Variants in ADD2 observed in about 807,000 individuals in gnomAD.
ADD2 encodes the protein adducin 2, also known as beta-adducin.
ADD2 carries 23 observed loss-of-function variants against 83.0 expected under a neutral mutation model. That is an observed-to-expected ratio of 0.28 (90% CI 0.20 to 0.39). The LOEUF (loss-of-function observed/expected upper bound fraction) is 0.39. Among genes scored for constraint, ADD2 ranks in the 10% least tolerant of loss-of-function variants. ADD2 has a pLI of 1.00. For synonymous variants in ADD2, 375 were observed against 375.4 expected, an observed-to-expected ratio of 1.00 and a Z score of 0.01; for missense variants, 758 against 944.9, an observed-to-expected ratio of 0.80 and a Z score of 2.59.
intron 1 of ADD2, among the ~76,000 whole-genome samples, chr2:70,742,700 G>C (rs1673980048): frequency 6.6e-6 from 1 of 152,132 alleles, no homozygotes; most frequent in South Asian, 2.1e-4. Flanking sequence ...ATCTGTCTTT[G>C]GGGCTGACCT....
At chr2:70,673,497 T>G (rs1209432370) in intron 14 of ADD2, 8 of 607,690 alleles carry the variant, frequency 1.3e-5, no homozygotes, top group Non-Finnish European at 2.3e-5. Flanking sequence ...ATTTACATTT[T>G]CTGTCCAAAC....
At chr2:70,750,190 C>A (rs184812444) in intron 1 of ADD2, among the ~76,000 whole-genome samples, 32 of 152,300 alleles carry the variant, frequency 2.1e-4, no homozygotes, top group Non-Finnish European at 3.2e-4. Context: ...CCTTAGGAAA[C>A]AATGCTCCAA....
intron 4 of ADD2, among the ~76,000 whole-genome samples, chr2:70,698,509 T>C (rs1553373057): frequency 1.3e-5 from 2 of 152,150 alleles, no homozygotes; most frequent in African/African-American, 4.8e-5. Context: ...GAAAGTACAA[T>C]AGGGCAACTG....
At position 70,676,498 on chromosome 2, in the gene ADD2, G is replaced by A. The variant is rs1670148225; in HGVS notation, c.1593+298C>T. On this transcript the variant is annotated intron_variant, in intron 13 of 15. Coordinates refer to ENST00000264436, the MANE Select transcript of ADD2 (RefSeq NM_001617.4). This position sits in a 1 kb window ranked among gnomAD's most constrained non-coding sequence, Gnocchi z 4.8. ...AGTCCCCACTTCACGGGGTAGTAAGGGAGGACAGAGTGGAGTTCCATGGCA... is the reference window on the plus strand; with the variant it reads ...AGTCCCCACTTCACGGGGTAGTAAGAGAGGACAGAGTGGAGTTCCATGGCA... 7.4e-7 allele frequency: 1 copy of A among 1,355,592 alleles called. No homozygotes were observed. The highest frequency in any genetic ancestry group is 1.5e-5 in the African/African-American group (1 of 68,472). The allele number at this position is 1,355,592 out of a possible 1,614,324, so 84.0% of individuals were successfully genotyped here.
intron 1 of ADD2, 137 bp downstream of exon 1, chr2:70,767,749 C>T: frequency 6.9e-7 from 1 of 1,448,766 alleles, no homozygotes; most frequent in Non-Finnish European, 9.0e-7. Flanking sequence ...GCCAGGGCTG[C>T]AGCACCGACG....
intron 9 of ADD2, among the ~76,000 whole-genome samples, chr2:70,686,945 T>C (rs1301901662): frequency 6.6e-6 from 1 of 152,118 alleles, no homozygotes; most frequent in East Asian, 1.9e-4. Flanking sequence ...CTCCCCAGAG[T>C]GCCTCCAAGA....
intron 1 of ADD2, 96 bp downstream of exon 1, chr2:70,767,790 C>T: frequency 4.0e-6 from 6 of 1,501,908 alleles, no homozygotes; most frequent in Non-Finnish European, 5.3e-6. Flanking sequence ...CCACCTGGGC[C>T]AAGCGGCTCC....
intron 13 of ADD2, chr2:70,675,694 T>G (rs1461253644): frequency 1.7e-5 from 17 of 985,340 alleles, no homozygotes; most frequent in Admixed American, 6.1e-5. Context: ...CTCCCTGCCC[T>G]GGCCCGCCAG....
In ADD2 at chr2:70,663,613, C is replaced by T. The variant is rs377759274; in HGVS notation, c.1993G>A (p.Gly665Ser). 1.2e-6 allele frequency: 2 copies of T among 1,614,150 alleles called. No individual in the cohort carries two copies. Among genetic ancestry groups the T allele is most frequent in the Non-Finnish European group, 8.5e-7 (1 of 1,180,034 alleles). Residue 665 changes from glycine (G) to serine (S), a missense_variant, in exon 16 of 16, where the codon GGC (glycine) becomes AGC (serine). Physicochemically the swap from Gly to Ser is moderately conservative, Grantham distance 56. Transcript: ENST00000264436. Reference sequence around the variant, plus strand: ...GCACTGGTGGTCATCTGGCTCAGGCCTTTGCTGAGGATTTCCTCTGCCGTC... The same window carrying T: ...GCACTGGTGGTCATCTGGCTCAGGCTTTTGCTGAGGATTTCCTCTGCCGTC... ...EQTAEEILSKGLSQMTTSADT... is the reference protein window; with the variant it reads ...EQTAEEILSKSLSQMTTSADT...
chr2:70,763,160 C>T (rs1191635698), intron 1 of ADD2, among the ~76,000 whole-genome samples: 2 of 152,024 alleles, frequency 1.3e-5, no homozygotes, highest in Non-Finnish European at 2.9e-5. Flanking sequence ...ACTTTCTCTT[C>T]ATCTCTTTCA....
chr2:70,742,651 A>T (rs3755352), intron 1 of ADD2, among the ~76,000 whole-genome samples: 7,654 of 152,244 alleles, frequency 0.05, 274 homozygotes, highest in East Asian at 0.17. Flanking sequence ...GAATGAAATA[A>T]GAGGAATGCC....
At position 70,727,518 on chromosome 2, in the gene ADD2, C is replaced by T. The variant is rs145807222; in HGVS notation, c.-153-14334G>A. 3.7e-4 allele frequency among the ~76,000 whole-genome samples: 57 copies of T among 152,206 alleles called. No homozygotes were observed. In the South Asian group the frequency reaches 5.2e-3, roughly 14 times the overall value. ...AAAATGACTCCTGTATGAGTATTTC[C>T]GGATTTTCCACTCCCTCAGACCCTT... is the stretch of plus-strand genomic sequence containing the variant. On this transcript the variant is annotated intron_variant, in intron 1 of 15. Coordinates refer to ENST00000264436, the MANE Select transcript of ADD2 (RefSeq NM_001617.4).
intron 1 of ADD2, among the ~76,000 whole-genome samples, chr2:70,731,252 G>C (rs1277247259): frequency 1.3e-5 from 2 of 152,008 alleles, no homozygotes; most frequent in African/African-American, 4.8e-5. Flanking sequence ...AGAAATGTCT[G>C]CTTACCCAGG....
At chr2:70,755,311 ACTAGC>A (rs1434906385) in intron 1 of ADD2, among the ~76,000 whole-genome samples, 1 of 152,204 alleles carries the variant, frequency 6.6e-6, no homozygotes, top group African/African-American at 2.4e-5. Context: ...ATCAGCCAGC[ACTAGC>A]TTATCCTCTG....
chr2:70,762,709 T>A (rs1376601509), intron 1 of ADD2, among the ~76,000 whole-genome samples: 1 of 146,044 alleles, frequency 6.8e-6, no homozygotes, highest in Non-Finnish European at 1.5e-5. Flanking sequence ...TTCATTTTCT[T>A]TTTTTTTTTT....
chr2:70,766,364 A>G (rs1307344014), intron 1 of ADD2, among the ~76,000 whole-genome samples: 3 of 152,228 alleles, frequency 2.0e-5, no homozygotes, highest in African/African-American at 7.2e-5. Flanking sequence ...TCTACAGAGA[A>G]AAGTTTGATC....
At chr2:70,751,931 TAC>T (rs1674523541) in intron 1 of ADD2, among the ~76,000 whole-genome samples, 1 of 152,190 alleles carries the variant, frequency 6.6e-6, no homozygotes, top group South Asian at 2.1e-4. Context: ...TGATGGGAAA[TAC>T]AAGAGTCGCC....
In ADD2 at chr2:70,693,893, G is replaced by C. The variant is rs530181474; in HGVS notation, c.556-1341C>G. The stretch of plus-strand genomic sequence containing the variant: ...AGCCACCCTCCCATACGGTGCCTTT[G>C]TACAAATGAGAAAGCAGGTACCCCC... On this transcript the variant is annotated intron_variant, in intron 6 of 15. Coordinates refer to ENST00000264436, the MANE Select transcript of ADD2 (RefSeq NM_001617.4). Among the ~76,000 whole-genome samples, 3 of 152,296 alleles carry C rather than the reference G, an allele frequency of 2.0e-5. No individual in the cohort carries two copies. In the South Asian group the frequency reaches 6.2e-4, roughly 32 times the overall value.
intron 5 of ADD2, 81 bp from the exon 6 acceptor site, chr2:70,695,882 C>T (rs569303460): frequency 2.4e-6 from 3 of 1,237,562 alleles, no homozygotes; most frequent in Non-Finnish European, 3.5e-6. Flanking sequence ...TCCCCTCTTC[C>T]CCTGAATCTA....
Sources: gnomAD v4.1 joint callset for allele counts (sites outside exome capture counted in the v4.1 genomes callset) on GRCh38, gnomAD v4.1.1 for gene constraint, Gnocchi (gnomAD v3.1) non-coding constraint, MANE v1.5 for transcripts, NCBI Gene and HGNC (gene_info 2026-07-23, HGNC 2026-07-21) for gene names.